Variants in RAPGEF4 observed in about 807,000 individuals in gnomAD.
The protein encoded by RAPGEF4 is RAP guanine-nucleotide-exchange factor (GEF) 4.
Under a neutral mutation model 147.9 loss-of-function variants are expected in RAPGEF4, and 66 were observed. The observed-to-expected ratio is 0.45, with a 90% CI of 0.37 to 0.55. The LOEUF is 0.55. RAPGEF4 is among the 20% of genes least tolerant of loss of function. The pLI is 0.00. For synonymous variants in RAPGEF4, 419 were observed against 442.7 expected, an observed-to-expected ratio of 0.95 and a Z score of 0.67; for missense variants, 1,071 against 1,257.3, an observed-to-expected ratio of 0.85 and a Z score of 2.24.
intron 4 of RAPGEF4, among the ~76,000 whole-genome samples, chr2:172,868,805 G>A (rs1180097689): frequency 6.6e-6 from 1 of 152,232 alleles, no homozygotes; most frequent in Non-Finnish European, 1.5e-5. Flanking sequence ...GTTTATTTGG[G>A]CTCACAGTTC....
At chr2:172,986,886 G>T (rs1692317860) in intron 12 of RAPGEF4, among the ~76,000 whole-genome samples, 1 of 151,946 alleles carries the variant, frequency 6.6e-6, no homozygotes, top group Non-Finnish European at 1.5e-5. Context: ...TTTAGTAGAG[G>T]CAGGGTTTCA....
chr2:173,000,621 C>G (rs1693800227), intron 16 of RAPGEF4, among the ~76,000 whole-genome samples: 1 of 152,212 alleles, frequency 6.6e-6, no homozygotes, highest in Non-Finnish European at 1.5e-5. Flanking sequence ...GCTTCCTTAC[C>G]TACAAAATAG....
chr2:173,012,477 C>T (rs1197884590), intron 17 of RAPGEF4, among the ~76,000 whole-genome samples: 2 of 152,208 alleles, frequency 1.3e-5, no homozygotes, highest in African/African-American at 4.8e-5. Context: ...CTGATGTCAT[C>T]CAAGTTTCTG....
intron 17 of RAPGEF4, 89 bp downstream of exon 17, chr2:173,001,433 A>G: frequency 6.5e-7 from 1 of 1,531,394 alleles, no homozygotes; most frequent in South Asian, 1.1e-5. Flanking sequence ...TCTGCAGGTA[A>G]GTCATGGCCC....
chr2:172,901,547 T>C (rs188857730), intron 4 of RAPGEF4, among the ~76,000 whole-genome samples: 9 of 152,346 alleles, frequency 5.9e-5, no homozygotes, highest in Non-Finnish European at 1.5e-5. Context: ...TGAATGAAAA[T>C]GTGCCCTTTG....
At chr2:173,025,365 T>C (rs1402192123) in intron 23 of RAPGEF4, among the ~76,000 whole-genome samples, 2 of 152,230 alleles carry the variant, frequency 1.3e-5, no homozygotes, top group African/African-American at 2.4e-5. Context: ...AAAATGATGA[T>C]GGAACTTGTA....
At chr2:172,893,865 T>C (rs1698192083) in intron 4 of RAPGEF4, 1 of 152,294 alleles carries the variant, frequency 6.6e-6, no homozygotes, top group African/African-American at 2.4e-5. Context: ...CCAGTGTGCA[T>C]CTGTTTCCAA....
At chr2:173,043,121 C>A (rs1684969965) in intron 29 of RAPGEF4, among the ~76,000 whole-genome samples, 1 of 152,140 alleles carries the variant, frequency 6.6e-6, no homozygotes, top group East Asian at 1.9e-4. Context: ...AAAAAAAATT[C>A]TTGTCCCAAA....
chr2:172,995,879 C>T (rs1182302312), intron 15 of RAPGEF4, among the ~76,000 whole-genome samples: 1 of 152,038 alleles, frequency 6.6e-6, no homozygotes, highest in Non-Finnish European at 1.5e-5. Flanking sequence ...GATTTATTTC[C>T]CATTCATGAT....
Position 172,814,399 on chromosome 2 carries a change from C to T in RAPGEF4, c.418C>T (p.Gln140Ter). 6.2e-7 allele frequency: 1 copy of T among 1,614,148 alleles called. No homozygotes were observed. Among genetic ancestry groups the T allele is most frequent in the Non-Finnish European group, 8.5e-7 (1 of 1,180,018 alleles). Residue 140 changes from glutamine to a stop codon, truncating the protein, a stop_gained, in exon 4 of 31, where the codon CAG becomes TAG. Coordinates refer to ENST00000397081, the MANE Select transcript of RAPGEF4 (RefSeq NM_007023.4). LOFTEE classifies it high-confidence loss of function. ...RESSELLRIE[Q>*]KDFKALWEKY... ...GAGCAGTGAACTGCTCCGCATCGAG[C>T]AGAAGGACTTCAAGGCACTATGGGA...
chr2:172,972,452 A>G (rs1690596031), intron 10 of RAPGEF4, among the ~76,000 whole-genome samples: 1 of 152,204 alleles, frequency 6.6e-6, no homozygotes, highest in Admixed American at 6.5e-5. Context: ...TAATCAGATG[A>G]GAAGAAAAGC....
At chr2:172,760,462 T>C (rs1172077225) in intron 1 of RAPGEF4, among the ~76,000 whole-genome samples, 1 of 152,220 alleles carries the variant, frequency 6.6e-6, no homozygotes, top group African/African-American at 2.4e-5. Context: ...CTCACGCCTG[T>C]AATCCCAGCA....
In RAPGEF4 at chr2:173,018,799, G is replaced by C. The variant is rs767738503; in HGVS notation, c.2152G>C (p.Gly718Arg). The change falls in exon 22 of 31, where the codon GGA becomes CGA. Residue 718 changes from glycine to arginine, a missense_variant. By Grantham distance (125) the Gly-to-Arg change is moderately radical. Coordinates refer to ENST00000397081, the MANE Select transcript of RAPGEF4 (RefSeq NM_007023.4). ...GLIIVKMSSG[G>R]EKVVLKPNDV... ...GATCATAGTCAAGATGAGTTCCGGA[G>C]GAGGTAACAGTCTTAATTCATATTT... 10 of 1,613,156 alleles carry C rather than the reference G, an allele frequency of 6.2e-6. No individual in the cohort carries two copies. The highest frequency in any genetic ancestry group is 4.0e-5 in the African/African-American group (3 of 74,824).
chr2:173,029,885 G>A (rs1697023509), intron 25 of RAPGEF4, among the ~76,000 whole-genome samples: 1 of 152,196 alleles, frequency 6.6e-6, no homozygotes, highest in Non-Finnish European at 1.5e-5. Flanking sequence ...GCAAGTTTGG[G>A]ATTATAATAA....
At chr2:172,741,192 C>T (rs1226701470) in intron 1 of RAPGEF4, among the ~76,000 whole-genome samples, 1 of 152,246 alleles carries the variant, frequency 6.6e-6, no homozygotes, top group African/African-American at 2.4e-5. Flanking sequence ...CCTGTGCTCT[C>T]ACAGCACACT....
chr2:172,818,694 T>C (rs1688754943), intron 4 of RAPGEF4, among the ~76,000 whole-genome samples: 1 of 152,228 alleles, frequency 6.6e-6, no homozygotes, highest in African/African-American at 2.4e-5. Flanking sequence ...GGGAAAATTA[T>C]GGTCCCTAAT....
intron 21 of RAPGEF4, among the ~76,000 whole-genome samples, chr2:173,017,747 G>A (rs1369944379): frequency 6.6e-6 from 1 of 152,072 alleles, no homozygotes; most frequent in Non-Finnish European, 1.5e-5. Flanking sequence ...CCTTTCCTTG[G>A]AGGAAATGAA....
intron 11 of RAPGEF4, 110 bp downstream of exon 11, chr2:172,983,690 C>G (rs1691934558): frequency 4.7e-6 from 7 of 1,481,056 alleles, no homozygotes; most frequent in African/African-American, 2.8e-5. Context: ...TGATTTTCAC[C>G]TCATAAATCA....
chr2:172,868,417 A>G (rs772424027), intron 4 of RAPGEF4, among the ~76,000 whole-genome samples: 1 of 152,220 alleles, frequency 6.6e-6, no homozygotes, highest in African/African-American at 2.4e-5. Context: ...ACATGCTCTT[A>G]TATAGCACAG....
Sources: allele counts gnomAD v4.1 joint callset (sites outside exome capture counted in the v4.1 genomes callset), GRCh38; gene constraint gnomAD v4.1.1; transcripts MANE v1.5; gene names NCBI Gene and HGNC (gene_info 2026-07-23, HGNC 2026-07-21).